Variants in TMEM132D observed in about 807,000 individuals in gnomAD.
The protein encoded by TMEM132D is transmembrane protein 132D, also known as mature OL transmembrane protein.
Under a neutral mutation model 62.3 loss-of-function variants are expected in TMEM132D, and 21 were observed. The ratio of observed to expected loss-of-function variants is 0.34; its 90% CI spans 0.24 to 0.49. The LOEUF (loss-of-function observed/expected upper bound fraction) is 0.49. TMEM132D is among the 20% of genes least tolerant of loss of function. The pLI is 0.99. For missense variants in TMEM132D, 1,346 were observed against 1,402.8 expected (o/e 0.96, Z 0.65); for synonymous variants, 621 against 575.6 (o/e 1.08, Z -1.13).
intron 5 of TMEM132D, among the ~76,000 whole-genome samples, chr12:129,171,765 A>AT (rs1877738192): frequency 6.6e-6 from 1 of 152,200 alleles, no homozygotes; most frequent in African/African-American, 2.4e-5. Flanking sequence ...AGATCTCAAC[A>AT]GGTAGGCTTA....
At chr12:129,454,962 G>A (rs117106406) in intron 3 of TMEM132D, among the ~76,000 whole-genome samples, 6 of 152,178 alleles carry the variant, frequency 3.9e-5, no homozygotes, top group South Asian at 2.1e-4. Flanking sequence ...CAGTCAACCC[G>A]AAGAAAGCTT....
At chr12:129,448,801 C>A (rs1021279141) in intron 3 of TMEM132D, among the ~76,000 whole-genome samples, 1 of 152,216 alleles carries the variant, frequency 6.6e-6, no homozygotes, top group African/African-American at 2.4e-5. Context: ...CATGTCTGCT[C>A]ATCTGATGCT....
chr12:129,762,929 T>C (rs1197091029), intron 1 of TMEM132D, among the ~76,000 whole-genome samples: 1 of 152,232 alleles, frequency 6.6e-6, no homozygotes, highest in Non-Finnish European at 1.5e-5. Flanking sequence ...GCTTGAAATG[T>C]ACAAAAAGAA....
chr12:129,179,960 G>A (rs1026031829), intron 5 of TMEM132D, among the ~76,000 whole-genome samples: 15 of 151,916 alleles, frequency 9.9e-5, no homozygotes, highest in Admixed American at 2.0e-4. Context: ...CCTGGGAGGC[G>A]GAGGTTCCTG....
At chr12:129,383,344 C>T (rs111760365) in intron 3 of TMEM132D, among the ~76,000 whole-genome samples, 5 of 152,306 alleles carry the variant, frequency 3.3e-5, no homozygotes, top group African/African-American at 9.6e-5. Flanking sequence ...CCCACCAGCC[C>T]TCAGTGTGCA....
intron 1 of TMEM132D, among the ~76,000 whole-genome samples, chr12:129,760,593 G>A (rs576113485): frequency 2.7e-5 from 4 of 150,120 alleles, no homozygotes; most frequent in African/African-American, 9.7e-5. Context: ...GGATCCGCCT[G>A]CCTCAAGCCT....
chr12:129,447,854 C>T (rs80093838), intron 3 of TMEM132D, among the ~76,000 whole-genome samples: 2,743 of 152,268 alleles, frequency 0.018, 92 homozygotes, highest in African/African-American at 0.063. Flanking sequence ...CTGAGTGATG[C>T]CGGCTTAATC....
intron 1 of TMEM132D, among the ~76,000 whole-genome samples, chr12:129,811,426 A>G (rs1872176616): frequency 6.6e-6 from 1 of 151,396 alleles, no homozygotes; most frequent in African/African-American, 2.4e-5. Flanking sequence ...AGTGATCCGG[A>G]TACTCCGGGA....
intron 2 of TMEM132D, among the ~76,000 whole-genome samples, chr12:129,635,829 G>A (rs947358687): frequency 6.6e-6 from 1 of 152,200 alleles, no homozygotes; most frequent in Admixed American, 6.5e-5. Context: ...GCCTAAGGTG[G>A]TTGAGGTGCA....
chr12:129,732,972 G>A (rs61945253), intron 1 of TMEM132D, among the ~76,000 whole-genome samples: 3,124 of 152,320 alleles, frequency 0.021, 54 homozygotes, highest in Middle Eastern at 0.034. Flanking sequence ...ACACATGGCT[G>A]TGCTGGGTAT....
intron 1 of TMEM132D, among the ~76,000 whole-genome samples, chr12:129,829,918 A>C (rs926035837): frequency 6.6e-6 from 1 of 152,182 alleles, no homozygotes; most frequent in African/African-American, 2.4e-5. Context: ...TCAAATCTCC[A>C]GCTAAAACCT....
intron 3 of TMEM132D, among the ~76,000 whole-genome samples, chr12:129,516,497 GA>G (rs1349918551): frequency 2.0e-5 from 3 of 152,184 alleles, no homozygotes; most frequent in Non-Finnish European, 4.4e-5. Context: ...AGACAGGAGA[GA>G]AAATGAGAGC....
intron 2 of TMEM132D, among the ~76,000 whole-genome samples, chr12:129,545,921 A>G (rs1246631600): frequency 1.3e-5 from 2 of 152,156 alleles, no homozygotes; most frequent in Non-Finnish European, 2.9e-5. Context: ...CAGGAATATG[A>G]GGAGGAACAT....
Position 129,074,979 on chromosome 12 carries a change from G to C in TMEM132D, c.2196C>G (p.Ser732=), listed in dbSNP as rs1874204729. Reference sequence around the variant, plus strand: ...TCTCATCCAAAGATGTGGCCATCAAGGAGAAGTCTTTCCCATCGTAAATAT... The same window carrying C: ...TCTCATCCAAAGATGTGGCCATCAACGAGAAGTCTTTCCCATCGTAAATAT... ...PLDIYDGKDF[S]LMATSLDEKV... is the part of the protein sequence containing the mutation. The change falls in exon 9 of 9, where the codon TCC becomes TCG. Residue 732 remains serine (S), a synonymous_variant. Coordinates refer to ENST00000422113, the MANE Select transcript of TMEM132D (RefSeq NM_133448.3). 1 of 1,614,042 alleles carries C rather than the reference G, an allele frequency of 6.2e-7. No individual in the cohort carries two copies. Among genetic ancestry groups the C allele is most frequent in the South Asian group, 1.1e-5 (1 of 91,068 alleles).
intron 2 of TMEM132D, among the ~76,000 whole-genome samples, chr12:129,685,263 A>G (rs1347978683): frequency 4.6e-5 from 7 of 152,176 alleles, no homozygotes; most frequent in Non-Finnish European, 1.0e-4. Context: ...ATGGAGGCCT[A>G]GGAGGAAAAA....
At chr12:129,635,462 G>T (rs914507185) in intron 2 of TMEM132D, among the ~76,000 whole-genome samples, 4 of 152,186 alleles carry the variant, frequency 2.6e-5, no homozygotes, top group African/African-American at 9.7e-5. Flanking sequence ...AAGCACCCCT[G>T]TGCAGTCGCC....
At chr12:129,191,385 T>C (rs1409590446) in intron 5 of TMEM132D, among the ~76,000 whole-genome samples, 1 of 147,986 alleles carries the variant, frequency 6.8e-6, no homozygotes, top group Non-Finnish European at 1.5e-5. Context: ...GTATAAGAAA[T>C]TACACATATA....
chr12:129,303,579 C>A (rs1234638543), intron 4 of TMEM132D, among the ~76,000 whole-genome samples: 1 of 142,902 alleles, frequency 7.0e-6, no homozygotes, highest in African/African-American at 2.6e-5. Context: ...CATCACTCGC[C>A]GGGACTCTGC....
chr12:129,842,978 G>T (rs1044726028), intron 1 of TMEM132D, among the ~76,000 whole-genome samples: 2 of 152,122 alleles, frequency 1.3e-5, no homozygotes, highest in South Asian at 4.1e-4. Flanking sequence ...TTGAAAAAGT[G>T]TCTCATTACA....
Sources: allele counts gnomAD v4.1 joint callset (sites outside exome capture counted in the v4.1 genomes callset), GRCh38; gene constraint gnomAD v4.1.1; transcripts MANE v1.5; gene names NCBI Gene and HGNC (gene_info 2026-07-23, HGNC 2026-07-21).